The following SLC35F4 variants were observed in gnomAD, a reference collection of about 807,000 sequenced individuals.
SLC35F4 encodes chromosome 14 open reading frame 36.
A neutral mutation model predicts 44.2 loss-of-function variants in SLC35F4; 24 were observed. The ratio of observed to expected loss-of-function variants is 0.54; its 90% CI spans 0.39 to 0.76. The LOEUF is 0.76. SLC35F4 is among the 30% of genes least tolerant of loss of function. The pLI is 0.00. For synonymous variants in SLC35F4, 238 were observed against 223.6 expected (o/e 1.06, Z -0.57); for missense variants, 562 against 586.1 (o/e 0.96, Z 0.42).
At chr14:57,657,245 T>G (rs1199279117) in intron 1 of SLC35F4, among the ~76,000 whole-genome samples, 1 of 152,244 alleles carries the variant, frequency 6.6e-6, no homozygotes, top group Non-Finnish European at 1.5e-5. Context: ...GGCATAAGAC[T>G]CCCACTATGG....
intron 1 of SLC35F4, among the ~76,000 whole-genome samples, chr14:57,966,197 G>T (rs189172305): frequency 1.4e-4 from 21 of 152,286 alleles, no homozygotes; most frequent in Middle Eastern, 3.4e-3. Context: ...GCTCTTAGCA[G>T]CTCCCACAAT....
At chr14:57,848,304 G>A (rs779190745) in intron 1 of SLC35F4, among the ~76,000 whole-genome samples, 3 of 152,124 alleles carry the variant, frequency 2.0e-5, no homozygotes, top group East Asian at 1.9e-4. Context: ...TTTATTCTCC[G>A]AAGATGCTCA....
intron 1 of SLC35F4, among the ~76,000 whole-genome samples, chr14:57,945,032 T>C (rs1889997721): frequency 6.6e-6 from 1 of 152,000 alleles, no homozygotes; most frequent in Admixed American, 6.5e-5. Context: ...AATTATGTAA[T>C]CGTCCTCATT....
intron 1 of SLC35F4, among the ~76,000 whole-genome samples, chr14:57,940,281 T>C (rs1314114221): frequency 6.6e-6 from 1 of 152,150 alleles, no homozygotes; most frequent in African/African-American, 2.4e-5. Context: ...TGAGAATGGG[T>C]TTTTTGCTAA....
At chr14:57,909,695 C>T (rs1393112212) in intron 1 of SLC35F4, among the ~76,000 whole-genome samples, 1 of 152,032 alleles carries the variant, frequency 6.6e-6, no homozygotes, top group Non-Finnish European at 1.5e-5. Flanking sequence ...CTGAATGTAA[C>T]ACAGTTCATT....
At chr14:57,755,436 G>A (rs1410400212) in intron 1 of SLC35F4, among the ~76,000 whole-genome samples, 1 of 152,178 alleles carries the variant, frequency 6.6e-6, no homozygotes, top group Non-Finnish European at 1.5e-5. Context: ...GGTCTAATCA[G>A]TTCAATGTGG....
intron 1 of SLC35F4, among the ~76,000 whole-genome samples, chr14:57,609,843 C>T (rs768596641): frequency 1.3e-5 from 2 of 152,206 alleles, no homozygotes; most frequent in Admixed American, 6.5e-5. Flanking sequence ...CCTTGCCCCT[C>T]CGCTTCCCCA....
chr14:57,775,596 C>A (rs922513801), intron 1 of SLC35F4, among the ~76,000 whole-genome samples: 1 of 152,208 alleles, frequency 6.6e-6, no homozygotes, highest in Admixed American at 6.5e-5. Context: ...CCATCTTATA[C>A]CACAATCAAA....
At position 57,654,525 on chromosome 14, in the gene SLC35F4, C is replaced by T. The variant is rs1327331652; in HGVS notation, c.104-60401G>A. Among the ~76,000 whole-genome samples the T allele has an allele frequency of 2.0e-5, 3 of 152,158 alleles. No homozygotes were observed. The East Asian group carries it at 5.8e-4, about 29-fold the overall frequency. On this transcript the variant is annotated intron_variant, in intron 1 of 7. Transcript: ENST00000556826. ...CATTTAGGCTGGTTCCATATTTTTGCAATTGTGAATTGTGCTGCTGTAAAC... is the reference window on the plus strand; with the variant it reads ...CATTTAGGCTGGTTCCATATTTTTGTAATTGTGAATTGTGCTGCTGTAAAC...
intron 1 of SLC35F4, among the ~76,000 whole-genome samples, chr14:57,947,318 T>C (rs1566510129): frequency 1.3e-5 from 2 of 151,984 alleles, no homozygotes. Flanking sequence ...AGTTCCTGAT[T>C]TGATTCTCAG....
chr14:57,852,875 T>A (rs1886707388), intron 1 of SLC35F4, among the ~76,000 whole-genome samples: 1 of 152,236 alleles, frequency 6.6e-6, no homozygotes, highest in Non-Finnish European at 1.5e-5. Context: ...CTTAGGAATC[T>A]CTGCTTCACA....
At chr14:57,576,189 T>C (rs1444376550) in intron 4 of SLC35F4, among the ~76,000 whole-genome samples, 1 of 152,174 alleles carries the variant, frequency 6.6e-6, no homozygotes, top group East Asian at 1.9e-4. Context: ...GAACCTTTAG[T>C]TGCTTCTCTT....
chr14:57,844,141 T>A (rs1885765058), intron 1 of SLC35F4, among the ~76,000 whole-genome samples: 1 of 152,184 alleles, frequency 6.6e-6, no homozygotes, highest in Admixed American at 6.5e-5. Flanking sequence ...TTAACACTTT[T>A]AAAAACCTAC....
In SLC35F4 at chr14:57,901,175, T is replaced by C. The variant is rs571043098; in HGVS notation, n.282+80738A>G. 4.6e-5 allele frequency among the ~76,000 whole-genome samples: 7 copies of C among 152,356 alleles called. No homozygotes were observed. The South Asian group carries it at 1.4e-3, about 32-fold the overall frequency. ...CCCAGCAATCCCATTACTGGGTATA[T>C]ATCCAAAGGATTAGAAATCATTCTG... On this transcript the variant is annotated intron_variant and non_coding_transcript_variant, in intron 1 of 1. Coordinates refer to the SLC35F4 transcript ENST00000556568.
upstream of SLC35F4, among the ~76,000 whole-genome samples, chr14:57,868,987 A>G (rs1422154319): frequency 3.9e-5 from 6 of 152,180 alleles, no homozygotes; most frequent in Non-Finnish European, 1.5e-5. Flanking sequence ...CAGTTTCTCT[A>G]GTAGTTGTAA....
At chr14:57,954,472 A>G (rs965902833) in intron 1 of SLC35F4, among the ~76,000 whole-genome samples, 1 of 152,208 alleles carries the variant, frequency 6.6e-6, no homozygotes, top group African/African-American at 2.4e-5. Flanking sequence ...TCAAAAAATC[A>G]ATGAATCCAG....
chr14:57,671,431 C>A (rs1043374376), intron 1 of SLC35F4, among the ~76,000 whole-genome samples: 1 of 151,914 alleles, frequency 6.6e-6, no homozygotes, highest in East Asian at 1.9e-4. Context: ...AGTTGTGAGG[C>A]CCCTGTTTCA....
intron 1 of SLC35F4, among the ~76,000 whole-genome samples, chr14:57,764,728 G>A (rs577443054): frequency 6.6e-6 from 1 of 152,148 alleles, no homozygotes; most frequent in Non-Finnish European, 1.5e-5. Context: ...CCTTGGTTTA[G>A]AGCAAGAAAA....
At chr14:57,697,715 G>T (rs2075423106) in intron 1 of SLC35F4, among the ~76,000 whole-genome samples, 2 of 140,302 alleles carry the variant, frequency 1.4e-5, no homozygotes, top group African/African-American at 5.3e-5. Flanking sequence ...AAAAAAAAAA[G>T]AAAGAAAATT....
Sources: gnomAD v4.1 joint callset for allele counts (sites outside exome capture counted in the v4.1 genomes callset) on GRCh38, gnomAD v4.1.1 for gene constraint, MANE v1.5 for transcripts, NCBI Gene and HGNC (gene_info 2026-07-23, HGNC 2026-07-21) for gene names.